HMCN2: variants seen among roughly 807,000 people sequenced by gnomAD.
HMCN2 encodes hemicentin-2.
In HMCN2, 325 loss-of-function variants were observed where a neutral mutation model predicts 377.5. That is an observed-to-expected ratio of 0.86 (90% CI 0.79 to 0.94). The LOEUF (loss-of-function observed/expected upper bound fraction) is 0.94, where lower values mean the gene tolerates loss of function less well. HMCN2 is among the 40% of genes least tolerant of loss of function. The probability of loss-of-function intolerance (pLI) is 0.00; values close to 1 mark genes in which losing one functional copy is unlikely to be tolerated. For synonymous variants in HMCN2, 2,007 were observed against 2,046.8 expected (o/e 0.98, Z 0.53); for missense variants, 4,543 against 4,725.3 (o/e 0.96, Z 1.13).
At chr9:130,340,666 G>A (rs970315061) in intron 23 of HMCN2, among the ~76,000 whole-genome samples, 3,010 of 152,188 alleles carry the variant, frequency 0.02, 94 homozygotes, top group African/African-American at 0.067. Flanking sequence ...TTACAGGTGC[G>A]CGCCACCACG....
At chr9:130,368,042 G>A (rs1840789677) in intron 43 of HMCN2, among the ~76,000 whole-genome samples, 1 of 151,564 alleles carries the variant, frequency 6.6e-6, no homozygotes, top group African/African-American at 2.4e-5. Context: ...TGGGGCACCT[G>A]TAGGCAGATC....
chr9:130,357,841 A>G lies in HMCN2; in HGVS notation c.5433A>G (p.Pro1811=), dbSNP rs1201134188. 4 of 1,302,584 alleles carry G rather than the reference A, an allele frequency of 3.1e-6. No individual in the cohort carries two copies. The East Asian group carries it at 2.2e-4, about 72-fold the overall frequency. The allele number at this position is 1,302,584 out of a possible 1,614,324, so 80.7% of individuals were successfully genotyped here. A position where few individuals can be genotyped will look rare whatever the true frequency, so the allele number is the denominator to read the frequency against. Residue 1811 remains proline (P), a synonymous_variant, in exon 35 of 98, where the codon CCA becomes CCG. Transcript: ENST00000683500. ...AEVEVSVHEF[P]SVSIIGGENI... ...GACTCTTTCCCTTCCCAGAGTTCCC[A>G]TCGGTCAGTATCATTGGGGGTGAGA...
intron 1 of HMCN2, among the ~76,000 whole-genome samples, chr9:130,270,067 T>G (rs2131211252): frequency 6.7e-6 from 1 of 148,190 alleles, no homozygotes; most frequent in African/African-American, 2.4e-5. Flanking sequence ...CACCTCAGCC[T>G]CCCAAAATGC....
chr9:130,433,281 A>T, intron 97 of HMCN2, 67 bp from the exon 98 acceptor site: 1 of 1,277,138 alleles, frequency 7.8e-7, no homozygotes, highest in South Asian at 1.7e-5. Flanking sequence ...GGTCTGAGTT[A>T]CGCGGATGGG....
Position 130,351,629 on chromosome 9 carries a change from C to T in HMCN2, c.4585+52C>T. On this transcript the variant is annotated intron_variant, in intron 30 of 97. Coordinates refer to ENST00000683500, the MANE Select transcript of HMCN2 (RefSeq NM_001291815.2). The surrounding 1 kb of genome is among the most constrained non-coding windows in gnomAD (Gnocchi z 5.4). Reference sequence around the variant, plus strand: ...CGCCACAGGCTACTCAGGAAGCTTCCCACCCAGCTGCCCGCTGCCTTAGAG... The same window carrying T: ...CGCCACAGGCTACTCAGGAAGCTTCTCACCCAGCTGCCCGCTGCCTTAGAG... 1.6e-6 allele frequency: 2 copies of T among 1,269,174 alleles called. No homozygotes were observed. The highest frequency in any genetic ancestry group is 1.0e-6 in the Non-Finnish European group (1 of 965,928). 78.6% of individuals were successfully genotyped at this position (1,269,174 alleles called of 1,614,324 possible). A position where few individuals can be genotyped will look rare whatever the true frequency, so the allele number is the denominator to read the frequency against.
At chr9:130,389,138 G>A (rs1158536219) in intron 62 of HMCN2, among the ~76,000 whole-genome samples, 1 of 152,148 alleles carries the variant, frequency 6.6e-6, no homozygotes, top group African/African-American at 2.4e-5. Flanking sequence ...AGCAGGGGCC[G>A]GCACTGCCAG....
rs565371421 is a variant in HMCN2 at position 130,405,373 on chromosome 9, G to A, written c.12339+314G>A. On this transcript the variant is annotated intron_variant, in intron 81 of 97. Coordinates refer to ENST00000683500, the MANE Select transcript of HMCN2 (RefSeq NM_001291815.2). ...TCTACCCAGTTGTTGTCAACCATGC[G>A]TTGGCATTAACCGTCCTCTGGGTTT... 5.9e-5 allele frequency among the ~76,000 whole-genome samples: 9 copies of A among 152,350 alleles called. No individual in the cohort carries two copies. The East Asian group carries it at 1.5e-3, about 26-fold the overall frequency.
intron 92 of HMCN2, 52 bp downstream of exon 92, chr9:130,427,671 A>T: frequency 6.6e-7 from 1 of 1,519,346 alleles, no homozygotes; most frequent in Non-Finnish European, 8.8e-7. Context: ...GACCTGACCC[A>T]GGTGTGCAGA....
At chr9:130,427,212 C>T in intron 90 of HMCN2, 101 bp from the exon 91 acceptor site, 1 of 1,266,812 alleles carries the variant, frequency 7.9e-7, no homozygotes, top group Middle Eastern at 2.1e-4. Flanking sequence ...CTCTGCCTGG[C>T]TAAGCTGGCA....
chr9:130,423,937 T>C lies in HMCN2; in HGVS notation c.13382-839T>C, dbSNP rs1031844135. Among the ~76,000 whole-genome samples the C allele has an allele frequency of 6.6e-6, 1 of 152,174 alleles. No homozygotes were observed. Among genetic ancestry groups the C allele is most frequent in the African/African-American group, 2.4e-5 (1 of 41,436 alleles). On this transcript the variant is annotated intron_variant, in intron 87 of 97. Coordinates refer to ENST00000683500, the MANE Select transcript of HMCN2 (RefSeq NM_001291815.2). The surrounding 1 kb of genome is among the most constrained non-coding windows in gnomAD (Gnocchi z 5.5). Reference sequence around the variant, plus strand: ...ACCCGGGGCCCTCAATCGGTATTTGTTGAACTGAGTTAAATATCAACAAGG... The same window carrying C: ...ACCCGGGGCCCTCAATCGGTATTTGCTGAACTGAGTTAAATATCAACAAGG...
Position 130,382,751 on chromosome 9 carries a change from G to A in HMCN2, c.8618G>A (p.Ser2873Asn). The A allele has an allele frequency of 1.0e-6, 1 of 985,894 alleles. No individual in the cohort carries two copies. The highest frequency in any genetic ancestry group is 1.2e-6 in the Non-Finnish European group (1 of 829,976). 61.1% of individuals were successfully genotyped at this position (985,894 alleles called of 1,614,324 possible). Residue 2873 changes from serine to asparagine, a missense_variant, in exon 56 of 98, where the codon AGC becomes AAC. Physicochemically the swap from Ser to Asn is conservative, Grantham distance 46. This residue lies in a region of HMCN2 where 736 missense variants were observed against 773.2 expected (regional missense o/e 0.95). Coordinates refer to ENST00000683500, the MANE Select transcript of HMCN2 (RefSeq NM_001291815.2). ...ACAGTCAATGCCAGCAGCACCGTCA[G>A]CCTGCAGTGCCCGGCCCTGGGAAAC... ...EVTVNASSTV[S>N]LQCPALGNPV...
rs1184967610 is a variant in HMCN2, at chr9:130,321,946, C to A, written c.2920+15C>A. 6.6e-6 allele frequency: 1 copy of A among 151,720 alleles called. No homozygotes were observed. The highest frequency in any genetic ancestry group is 2.4e-5 in the African/African-American group (1 of 41,268). The allele number at this position is 151,720 out of a possible 1,614,324, so 9.4% of individuals were successfully genotyped here. A position where few individuals can be genotyped will look rare whatever the true frequency, so the allele number is the denominator to read the frequency against. Reference sequence around the variant, plus strand: ...GGTGGTCCAGGGTGAGTCCTGGGGTCTCGGAGGTGGTGGTCGTGGGGCAGG... The same window carrying A: ...GGTGGTCCAGGGTGAGTCCTGGGGTATCGGAGGTGGTGGTCGTGGGGCAGG... On this transcript the variant is annotated intron_variant, in intron 19 of 97. Transcript: ENST00000683500.
intron 93 of HMCN2, 155 bp from the exon 94 acceptor site, chr9:130,429,402 G>A (rs1844596122): frequency 2.4e-6 from 2 of 849,766 alleles, no homozygotes; most frequent in East Asian, 2.7e-5. Flanking sequence ...GTATAACTGG[G>A]GGAGGTGCTG....
intron 21 of HMCN2, among the ~76,000 whole-genome samples, chr9:130,326,468 G>A (rs1339336683): frequency 4.6e-5 from 7 of 152,202 alleles, no homozygotes; most frequent in African/African-American, 1.2e-4. Context: ...CTTCGCTGCC[G>A]TCCGCAGCAT....
intron 4 of HMCN2, among the ~76,000 whole-genome samples, chr9:130,289,671 C>A (rs536306888): frequency 1.3e-5 from 2 of 152,162 alleles, no homozygotes; most frequent in South Asian, 2.1e-4. Context: ...ATCCCACCCC[C>A]CCGTGCTTCA....
chr9:130,285,047 G>T, intron 2 of HMCN2, 111 bp from the exon 3 acceptor site: 1 of 396,678 alleles, frequency 2.5e-6, no homozygotes, highest in South Asian at 1.9e-5. Context: ...GGGTGGGCAG[G>T]AGGTGACAGT....
intron 55 of HMCN2, 47 bp downstream of exon 55, chr9:130,382,344 C>T (rs868608461): frequency 1.8e-5 from 16 of 881,932 alleles, no homozygotes; most frequent in Middle Eastern, 5.8e-4. Flanking sequence ...CTGCAAGCGC[C>T]GTAAGGGCCT....
chr9:130,332,764 G>T (rs1399595184), intron 22 of HMCN2, among the ~76,000 whole-genome samples: 1 of 152,214 alleles, frequency 6.6e-6, no homozygotes, highest in Non-Finnish European at 1.5e-5. Flanking sequence ...TTTCCGGGAG[G>T]GGTTCTCTCC....
intron 15 of HMCN2, among the ~76,000 whole-genome samples, chr9:130,316,100 C>T (rs930965325): frequency 6.6e-4 from 100 of 152,250 alleles, no homozygotes; most frequent in African/African-American, 2.3e-3. Flanking sequence ...TCAGAGGCAG[C>T]GTGAAAGGCA....
Sources: allele counts gnomAD v4.1 joint callset (sites outside exome capture counted in the v4.1 genomes callset), GRCh38; gene constraint gnomAD v4.1.1; regional missense constraint gnomAD v4.1.1; non-coding constraint Gnocchi (gnomAD v3.1); transcripts MANE v1.5; gene names NCBI Gene and HGNC (gene_info 2026-07-23, HGNC 2026-07-21).